B3GLCT: variants seen among roughly 807,000 people sequenced by gnomAD.
The protein encoded by B3GLCT is beta-1,3-glucosyltransferase.
A neutral mutation model predicts 63.4 loss-of-function variants in B3GLCT; 65 were observed. The observed-to-expected ratio is 1.03, with a 90% CI of 0.84 to 1.26. B3GLCT has a LOEUF of 1.26. Ranked by LOEUF, B3GLCT falls within the 50% of genes most tolerant of loss-of-function variation. The pLI, the probability that B3GLCT is intolerant of heterozygous loss-of-function variation, is 0.00. For missense variants in B3GLCT, 577 were observed against 604.8 expected (o/e 0.95, Z 0.48); for synonymous variants, 233 against 219.2 (o/e 1.06, Z -0.55).
intron 7 of B3GLCT, among the ~76,000 whole-genome samples, chr13:31,264,397 A>G (rs762201781): frequency 6.6e-6 from 1 of 152,146 alleles, no homozygotes; most frequent in Non-Finnish European, 1.5e-5. Flanking sequence ...ACAACGCTCA[A>G]CAGTGACCAA....
At chr13:31,259,701 G>T (rs1422567849) in intron 6 of B3GLCT, among the ~76,000 whole-genome samples, 1 of 151,884 alleles carries the variant, frequency 6.6e-6, no homozygotes, top group Admixed American at 6.6e-5. Context: ...GCTGCTTTTG[G>T]CTGTGTGCTA....
intron 4 of B3GLCT, among the ~76,000 whole-genome samples, chr13:31,231,856 G>A (rs150184819): frequency 4.0e-4 from 61 of 152,324 alleles, no homozygotes; most frequent in African/African-American, 1.4e-3. Flanking sequence ...CTGGGGCTCC[G>A]CAAAGGATAG....
At chr13:31,301,647 C>T (rs530633289) in intron 12 of B3GLCT, among the ~76,000 whole-genome samples, 1 of 152,324 alleles carries the variant, frequency 6.6e-6, no homozygotes, top group Admixed American at 6.5e-5. Context: ...AGCCTGGAGT[C>T]CCACCAGGAG....
chr13:31,323,686 C>T, intron 13 of B3GLCT, 65 bp from the exon 14 acceptor site: 1 of 1,592,738 alleles, frequency 6.3e-7, no homozygotes, highest in Non-Finnish European at 8.6e-7. Context: ...TCCCGGGGCC[C>T]ATTTGTGCAG....
chr13:31,270,618 G>T (rs938082), intron 8 of B3GLCT, among the ~76,000 whole-genome samples: 131,932 of 152,186 alleles, frequency 0.87, 58,097 homozygotes, highest in East Asian at 1. Flanking sequence ...AACTATGAGT[G>T]ACCTTGAGGC....
intron 4 of B3GLCT, among the ~76,000 whole-genome samples, chr13:31,240,114 A>C (rs1173142440): frequency 6.6e-6 from 1 of 152,162 alleles, no homozygotes; most frequent in Non-Finnish European, 1.5e-5. Context: ...AGGCAAGGCA[A>C]CCTGCAAATA....
chr13:31,200,392 G>T (rs1868585031), intron 1 of B3GLCT, among the ~76,000 whole-genome samples: 1 of 149,784 alleles, frequency 6.7e-6, no homozygotes, highest in South Asian at 2.1e-4. Flanking sequence ...TTTCGGTCTT[G>T]GGTCCCCGCT....
chr13:31,222,177 C>A (rs1186507061), intron 2 of B3GLCT, among the ~76,000 whole-genome samples: 1 of 150,042 alleles, frequency 6.7e-6, no homozygotes, highest in East Asian at 2.0e-4. Flanking sequence ...CTCCTGGGTT[C>A]AAGCGATTGT....
chr13:31,276,665 TCACATATG>T (rs917037385), intron 9 of B3GLCT, 29 bp from the exon 10 acceptor site: 12 of 1,149,240 alleles, frequency 1.0e-5, no homozygotes, highest in Non-Finnish European at 1.4e-5. Flanking sequence ...TAACGCTGAC[TCACATATG>T]CATACATTTT....
At chr13:31,317,461 G>A in intron 12 of B3GLCT, 105 bp from the exon 13 acceptor site, 1 of 1,329,728 alleles carries the variant, frequency 7.5e-7, no homozygotes, top group South Asian at 1.2e-5. Context: ...AACTATTTCA[G>A]TTTAGTATTA....
intron 12 of B3GLCT, among the ~76,000 whole-genome samples, chr13:31,288,129 A>C (rs577211266): frequency 6.6e-6 from 1 of 152,186 alleles, no homozygotes; most frequent in African/African-American, 2.4e-5. Flanking sequence ...AAGAGTGTCA[A>C]TGAACCCCAG....
chr13:31,201,054 G>T (rs1168951343), intron 1 of B3GLCT, among the ~76,000 whole-genome samples: 1 of 147,784 alleles, frequency 6.8e-6, no homozygotes, highest in African/African-American at 2.5e-5. Flanking sequence ...TTCATGATCA[G>T]ATTTGTTCAA....
At chr13:31,269,643 G>T (rs1924819) in intron 8 of B3GLCT, among the ~76,000 whole-genome samples, 23 of 136,764 alleles carry the variant, frequency 1.7e-4, no homozygotes, top group African/African-American at 7.1e-4. Flanking sequence ...TCATGTCCCC[G>T]CCCCCCTAAT....
intron 9 of B3GLCT, 83 bp from the exon 10 acceptor site, chr13:31,276,619 C>A: frequency 1.1e-6 from 1 of 876,756 alleles, no homozygotes; most frequent in Non-Finnish European, 1.9e-6. Context: ...TTAATTTGAA[C>A]TCTAGAGCGT....
At chr13:31,228,265 T>G (rs150545996) in intron 3 of B3GLCT, among the ~76,000 whole-genome samples, 2 of 152,244 alleles carry the variant, frequency 1.3e-5, no homozygotes, top group East Asian at 3.9e-4. Flanking sequence ...CCTTATGAGG[T>G]AGGGTAGGGA....
chr13:31,320,605 A>G (rs1372812747), intron 13 of B3GLCT, among the ~76,000 whole-genome samples: 9 of 152,220 alleles, frequency 5.9e-5, no homozygotes, highest in Non-Finnish European at 1.2e-4. Flanking sequence ...AGTCTTTTGC[A>G]TCTTCTGATA....
chr13:31,278,032 A>C (rs1187978452), intron 10 of B3GLCT, among the ~76,000 whole-genome samples: 4 of 152,162 alleles, frequency 2.6e-5, no homozygotes, highest in Non-Finnish European at 5.9e-5. Flanking sequence ...TTCTTTAAAT[A>C]GGTGTTGGGG....
At chr13:31,323,981 T>A in intron 14 of B3GLCT, 86 bp downstream of exon 14, 1 of 1,510,980 alleles carries the variant, frequency 6.6e-7, no homozygotes, top group East Asian at 2.3e-5. Context: ...TCTCTTCACA[T>A]ATTCGGGAAA....
intron 6 of B3GLCT, among the ~76,000 whole-genome samples, chr13:31,260,197 G>T (rs911478015): frequency 1.3e-5 from 2 of 152,072 alleles, no homozygotes; most frequent in Non-Finnish European, 2.9e-5. Flanking sequence ...TCCTTTGACG[G>T]CTCTTCCTCA....
Sources: allele counts gnomAD v4.1 joint callset (sites outside exome capture counted in the v4.1 genomes callset), GRCh38; gene constraint gnomAD v4.1.1; transcripts MANE v1.5; gene names NCBI Gene and HGNC (gene_info 2026-07-23, HGNC 2026-07-21).